LGR5: variants seen among roughly 807,000 people sequenced by gnomAD.
The protein encoded by LGR5 is leucine rich repeat containing G protein-coupled receptor 5, also known as leucine-rich repeat-containing G protein-coupled receptor 5.
Under a neutral mutation model 76.7 loss-of-function variants are expected in LGR5, and 54 were observed. That is an observed-to-expected ratio of 0.70 (90% CI 0.57 to 0.88). LGR5 has a LOEUF of 0.88. Ranked by LOEUF, LGR5 falls within the 40% of genes least tolerant of loss-of-function variation. LGR5 has a pLI of 0.00. For missense variants in LGR5, 1,078 were observed against 1,073.3 expected (o/e 1.00, Z -0.06); for synonymous variants, 406 against 421.9 (o/e 0.96, Z 0.46).
chr12:71,487,115 T>G (rs1237553530), intron 1 of LGR5, among the ~76,000 whole-genome samples: 1 of 152,200 alleles, frequency 6.6e-6, no homozygotes, highest in Non-Finnish European at 1.5e-5. Context: ...GGGGATCCCA[T>G]GACTCACCAG....
intron 8 of LGR5, among the ~76,000 whole-genome samples, chr12:71,563,397 C>A (rs572283958): frequency 6.6e-6 from 1 of 152,298 alleles, no homozygotes; most frequent in East Asian, 1.9e-4. Context: ...GGCTGGCCTC[C>A]CTCCCTTCAC....
intron 1 of LGR5, among the ~76,000 whole-genome samples, chr12:71,496,370 C>CAAAAAAA (rs67593850): frequency 1.0e-4 from 10 of 99,548 alleles, no homozygotes; most frequent in African/African-American, 2.6e-4. Flanking sequence ...TCCATCTCAA[C>CAAAAAAA]AAAAAAAAAA....
chr12:71,524,994 T>C (rs1212098867), intron 3 of LGR5, among the ~76,000 whole-genome samples: 2 of 152,220 alleles, frequency 1.3e-5, no homozygotes, highest in Non-Finnish European at 2.9e-5. Context: ...TTGAAAATTG[T>C]AAATATGAGG....
At chr12:71,472,471 A>G (rs557419390) in intron 1 of LGR5, among the ~76,000 whole-genome samples, 5 of 152,320 alleles carry the variant, frequency 3.3e-5, no homozygotes, top group African/African-American at 1.2e-4. Context: ...CGGAGCAAGT[A>G]TGCCCACAGA....
intron 13 of LGR5, among the ~76,000 whole-genome samples, chr12:71,576,661 C>G (rs995170864): frequency 6.6e-6 from 1 of 152,122 alleles, no homozygotes; most frequent in East Asian, 1.9e-4. Flanking sequence ...GAATTACAGG[C>G]CTTTGAACAT....
chr12:71,444,497 CAT>C (rs1215015132), intron 1 of LGR5, among the ~76,000 whole-genome samples: 5 of 152,032 alleles, frequency 3.3e-5, no homozygotes, highest in Admixed American at 3.3e-4. Context: ...ATATATTTAA[CAT>C]ATGCATGGCA....
intron 1 of LGR5, among the ~76,000 whole-genome samples, chr12:71,458,210 G>A (rs1260127341): frequency 6.6e-6 from 1 of 152,050 alleles, no homozygotes; most frequent in East Asian, 1.9e-4. Flanking sequence ...TAACCCTACT[G>A]TAAACTTAAT....
At chr12:71,579,606 G>T (rs1879005751) in intron 15 of LGR5, among the ~76,000 whole-genome samples, 2 of 152,158 alleles carry the variant, frequency 1.3e-5, no homozygotes, top group African/African-American at 2.4e-5. Context: ...GGAAAATGGG[G>T]TATTCATCCC....
chr12:71,486,936 AAATGACCCTAAGTTAAGGATTTCACTAGC>A (rs1263515066), intron 1 of LGR5, among the ~76,000 whole-genome samples: 2 of 152,220 alleles, frequency 1.3e-5, no homozygotes, highest in African/African-American at 4.8e-5. Flanking sequence ...CTTCATGTAC[AAATGACCCTAAGTTAAGGATTTCACTAGC>A]ATTTAAAGAG....
intron 1 of LGR5, among the ~76,000 whole-genome samples, chr12:71,475,339 A>G (rs1298353408): frequency 6.6e-6 from 1 of 152,206 alleles, no homozygotes; most frequent in Non-Finnish European, 1.5e-5. Context: ...AACAAAAGAA[A>G]AAGAACTGCC....
At chr12:71,499,395 G>A (rs1040875208) in intron 1 of LGR5, among the ~76,000 whole-genome samples, 1 of 152,172 alleles carries the variant, frequency 6.6e-6, no homozygotes, top group African/African-American at 2.4e-5. Context: ...AAATGGAGAG[G>A]ATAATGCATT....
intron 1 of LGR5, among the ~76,000 whole-genome samples, chr12:71,486,128 A>G (rs973329705): frequency 3.9e-5 from 6 of 152,150 alleles, no homozygotes; most frequent in East Asian, 3.9e-4. Context: ...GGCCTTATCT[A>G]TATTTTAATT....
chr12:71,563,748 G>A (rs1408885155), intron 8 of LGR5, among the ~76,000 whole-genome samples: 8 of 151,966 alleles, frequency 5.3e-5, no homozygotes, highest in East Asian at 1.9e-4. Context: ...AATCTCTCCC[G>A]AACATATGAG....
At chr12:71,569,303 A>G (rs1470218317) in intron 11 of LGR5, among the ~76,000 whole-genome samples, 2 of 152,266 alleles carry the variant, frequency 1.3e-5, no homozygotes, top group Non-Finnish European at 2.9e-5. Context: ...GCAAAAATTG[A>G]CAAATGGGAT....
rs770500381 is a variant in LGR5, at chr12:71,584,484, C to T, written c.2474C>T (p.Pro825Leu). The change falls in exon 18 of 18, where the codon CCT (proline) becomes CTT (leucine). Residue 825 changes from proline (P) to leucine (L), a missense_variant. Coordinates refer to ENST00000266674, the MANE Select transcript of LGR5 (RefSeq NM_003667.4). ...LNPLLYILFN[P>L]HFKEDLVSLR... ...CCCCTTCTCTACATCTTGTTCAATC[C>T]TCACTTTAAGGAGGATCTGGTGAGC... 1 of 1,614,124 alleles carries T rather than the reference C, an allele frequency of 6.2e-7. No individual in the cohort carries two copies. Among genetic ancestry groups the T allele is most frequent in the African/African-American group, 1.3e-5 (1 of 75,018 alleles).
intron 5 of LGR5, 130 bp from the exon 6 acceptor site, chr12:71,556,489 C>G (rs1475761012): frequency 4.5e-6 from 3 of 670,024 alleles, no homozygotes; most frequent in African/African-American, 1.8e-5. Context: ...CAGCATATAG[C>G]CATTTTTTAC....
intron 1 of LGR5, among the ~76,000 whole-genome samples, chr12:71,483,857 T>C (rs1203201901): frequency 6.6e-6 from 1 of 152,078 alleles, no homozygotes; most frequent in Non-Finnish European, 1.5e-5. Context: ...AGAGATATAA[T>C]CAATAGGACT....
chr12:71,469,929 G>A (rs1235861435), intron 1 of LGR5, among the ~76,000 whole-genome samples: 1 of 152,090 alleles, frequency 6.6e-6, no homozygotes, highest in Non-Finnish European at 1.5e-5. Context: ...GAGTACCATC[G>A]CACAACACAC....
At chr12:71,482,070 C>G (rs1041912488) in intron 1 of LGR5, among the ~76,000 whole-genome samples, 1 of 152,126 alleles carries the variant, frequency 6.6e-6, no homozygotes, top group African/African-American at 2.4e-5. Context: ...AGGGAAGGTA[C>G]TTCAGATTCC....
Sources: allele counts gnomAD v4.1 joint callset (sites outside exome capture counted in the v4.1 genomes callset), GRCh38; gene constraint gnomAD v4.1.1; transcripts MANE v1.5; gene names NCBI Gene and HGNC (gene_info 2026-07-23, HGNC 2026-07-21).